DYM: variants seen among roughly 807,000 people sequenced by gnomAD.
The protein encoded by DYM is dyggve-Melchior-Clausen syndrome protein.
Under a neutral mutation model 93.1 loss-of-function variants are expected in DYM, and 78 were observed. That is an observed-to-expected ratio of 0.84 (90% CI 0.70 to 1.01). The LOEUF (loss-of-function observed/expected upper bound fraction) is 1.01, where lower values mean the gene tolerates loss of function less well. Ranked by LOEUF, DYM falls within the 50% of genes least tolerant of loss-of-function variation. The pLI is 0.00. For synonymous variants in DYM, 321 were observed against 319.7 expected (o/e 1.00, Z -0.04); for missense variants, 789 against 845.0 (o/e 0.93, Z 0.82).
At chr18:49,381,069 T>G (rs1432061349) in intron 3 of DYM, among the ~76,000 whole-genome samples, 1 of 152,030 alleles carries the variant, frequency 6.6e-6, no homozygotes, top group African/African-American at 2.4e-5. Context: ...CAATCATAGC[T>G]CTCTGCAACC....
chr18:49,340,121 T>C (rs1269161136), intron 6 of DYM, among the ~76,000 whole-genome samples: 3 of 152,070 alleles, frequency 2.0e-5, no homozygotes, highest in African/African-American at 7.2e-5. Flanking sequence ...CCAGCTAATT[T>C]TTCTGTATTT....
chr18:49,414,340 A>G (rs560609704), intron 2 of DYM, among the ~76,000 whole-genome samples: 80 of 152,354 alleles, frequency 5.3e-4, no homozygotes, highest in Non-Finnish European at 6.0e-4. Context: ...CGAAAAAACA[A>G]TAATTTAAAA....
chr18:49,083,716 T>C (rs1041400032), intron 17 of DYM, among the ~76,000 whole-genome samples: 1 of 152,196 alleles, frequency 6.6e-6, no homozygotes. Flanking sequence ...TCTTTTTAAG[T>C]CAGTTTTGAT....
At chr18:49,227,410 A>T (rs2093570376) in intron 13 of DYM, among the ~76,000 whole-genome samples, 1 of 152,208 alleles carries the variant, frequency 6.6e-6, no homozygotes, top group Non-Finnish European at 1.5e-5. Context: ...AAAATGCTAC[A>T]TAACGGTAAG....
At chr18:49,445,271 A>C (rs983040116) in intron 1 of DYM, among the ~76,000 whole-genome samples, 1 of 152,210 alleles carries the variant, frequency 6.6e-6, no homozygotes, top group Admixed American at 6.5e-5. Flanking sequence ...AACCTACATG[A>C]ATAAACTAAA....
intron 8 of DYM, among the ~76,000 whole-genome samples, chr18:49,312,673 C>T (rs1004347067): frequency 2.6e-5 from 4 of 152,156 alleles, no homozygotes; most frequent in African/African-American, 9.7e-5. Context: ...GGTACGAGAA[C>T]TTGGGAACCG....
At chr18:49,267,990 C>G (rs1441207866) in intron 11 of DYM, among the ~76,000 whole-genome samples, 1 of 152,150 alleles carries the variant, frequency 6.6e-6, no homozygotes, top group African/African-American at 2.4e-5. Flanking sequence ...TTGGGGAAAA[C>G]TGTATTAAGG....
chr18:49,297,594 G>A (rs1262442631), intron 8 of DYM, among the ~76,000 whole-genome samples: 1 of 152,086 alleles, frequency 6.6e-6, no homozygotes, highest in Non-Finnish European at 1.5e-5. Flanking sequence ...AACACTGTAT[G>A]TATCCCTTTT....
chr18:49,420,665 A>C (rs1423553410), intron 2 of DYM, among the ~76,000 whole-genome samples: 3 of 152,132 alleles, frequency 2.0e-5, no homozygotes, highest in Admixed American at 6.5e-5. Flanking sequence ...CTTGTCAGAC[A>C]GTGGGTGCAG....
chr18:49,253,365 C>A (rs995723617), intron 13 of DYM, among the ~76,000 whole-genome samples: 1 of 152,160 alleles, frequency 6.6e-6, no homozygotes, highest in African/African-American at 2.4e-5. Context: ...TCATACTTTA[C>A]ATTTCTATAC....
chr18:49,440,481 T>C lies in DYM; in HGVS notation c.-53-10034A>G, dbSNP rs1322512250. ...ATTTATATAATATATGACTATATAT[T>C]ATATATTTATATAATATATGACTAT... On this transcript the variant is annotated intron_variant, in intron 1 of 17. Transcript: ENST00000675505. Among the ~76,000 whole-genome samples, 93 of 89,576 alleles carry C rather than the reference T, an allele frequency of 1.0e-3. 4 individuals are homozygous for C. Among genetic ancestry groups the C allele is most frequent in the African/African-American group, 3.7e-3 (86 of 23,340 alleles). 58.8% of individuals were successfully genotyped at this position (89,576 alleles called of 152,430 possible).
intron 6 of DYM, among the ~76,000 whole-genome samples, chr18:49,341,643 C>T (rs1461528988): frequency 6.6e-6 from 1 of 151,866 alleles, no homozygotes; most frequent in African/African-American, 2.4e-5. Flanking sequence ...GAGTGACAAG[C>T]ACATGGAGTT....
At chr18:49,082,977 G>C (rs1032428504) in intron 17 of DYM, among the ~76,000 whole-genome samples, 26 of 152,144 alleles carry the variant, frequency 1.7e-4, no homozygotes, top group African/African-American at 6.3e-4. Context: ...TCCTAGTTGT[G>C]TGAGAATTTT....
At chr18:49,346,806 T>C (rs1039250074) in intron 6 of DYM, among the ~76,000 whole-genome samples, 2 of 152,210 alleles carry the variant, frequency 1.3e-5, no homozygotes, top group Non-Finnish European at 2.9e-5. Flanking sequence ...TAAGAATCTA[T>C]ATTCATAACT....
chr18:49,450,149 T>C (rs1429468724), intron 1 of DYM, among the ~76,000 whole-genome samples: 2 of 152,204 alleles, frequency 1.3e-5, no homozygotes, highest in East Asian at 3.8e-4. Context: ...TGCAAAAATG[T>C]ATAAACATTA....
intron 17 of DYM, among the ~76,000 whole-genome samples, chr18:49,087,134 A>C (rs28498515): frequency 0.12 from 18,217 of 152,162 alleles, 1,503 homozygotes; most frequent in East Asian, 0.27. Flanking sequence ...ATCTGCTGAC[A>C]TGTTGATCTT....
At chr18:49,243,506 A>G (rs572579654) in intron 13 of DYM, among the ~76,000 whole-genome samples, 110 of 152,054 alleles carry the variant, frequency 7.2e-4, no homozygotes, top group Middle Eastern at 3.4e-3. Context: ...CTCTACTAAA[A>G]ATGCAAAAGT....
chr18:49,252,169 G>C (rs1265996685), intron 13 of DYM, among the ~76,000 whole-genome samples: 3 of 123,046 alleles, frequency 2.4e-5, no homozygotes, highest in African/African-American at 6.2e-5. Context: ...AGTAAGCTGA[G>C]ATTGTGCCAC....
chr18:49,051,156 G>A (rs17774887), intron 17 of DYM, among the ~76,000 whole-genome samples: 2 of 152,150 alleles, frequency 1.3e-5, no homozygotes, highest in Admixed American at 1.3e-4. Context: ...TGTGGCCAAC[G>A]TGGACACTAG....
Sources: gnomAD v4.1 joint callset for allele counts (sites outside exome capture counted in the v4.1 genomes callset) on GRCh38, gnomAD v4.1.1 for gene constraint, MANE v1.5 for transcripts, NCBI Gene and HGNC (gene_info 2026-07-23, HGNC 2026-07-21) for gene names.